Variants in UBE2F observed in about 807,000 individuals in gnomAD.
UBE2F encodes NEDD8-conjugating enzyme UBE2F.
A neutral mutation model predicts 29.6 loss-of-function variants in UBE2F; 5 were observed. The observed-to-expected ratio is 0.17, with a 90% CI of 0.09 to 0.36. The LOEUF (loss-of-function observed/expected upper bound fraction) is 0.36, where lower values mean the gene tolerates loss of function less well. UBE2F is among the 10% of genes least tolerant of loss of function. UBE2F has a pLI of 1.00. For missense variants in UBE2F, 141 were observed against 228.5 expected, an observed-to-expected ratio of 0.62 and a Z score of 2.47; for synonymous variants, 66 against 81.8, an observed-to-expected ratio of 0.81 and a Z score of 1.04.
chr2:237,991,986 T>TC (rs2063601035), intron 3 of UBE2F, among the ~76,000 whole-genome samples: 1 of 151,884 alleles, frequency 6.6e-6, no homozygotes, highest in South Asian at 2.1e-4. Context: ...TGCCTCAGCC[T>TC]CCCCCTCAGC....
intron 2 of UBE2F, among the ~76,000 whole-genome samples, chr2:237,975,362 G>A (rs771005304): frequency 2.0e-5 from 3 of 151,724 alleles, no homozygotes; most frequent in Admixed American, 6.6e-5. Flanking sequence ...CACGCACCTC[G>A]GCCTTCCCAA....
At chr2:237,969,064 G>T (rs1038174153) in intron 1 of UBE2F, among the ~76,000 whole-genome samples, 1 of 152,168 alleles carries the variant, frequency 6.6e-6, no homozygotes, top group East Asian at 1.9e-4. Flanking sequence ...TAGAAAAATA[G>T]ATGGTCACTA....
rs764282961 is a variant in UBE2F, at chr2:238,030,522, T to C, written c.354-34T>C. On this transcript the variant is annotated intron_variant, in intron 6 of 9. Coordinates refer to ENST00000272930, the MANE Select transcript of UBE2F (RefSeq NM_080678.3). ...CAGCGTGCAGGGCACCTGTGGCTGC[T>C]CCTCACTAACCACTGTGTGTTTGTC... 3.8e-6 allele frequency: 6 copies of C among 1,577,730 alleles called. No homozygotes were observed. The South Asian group carries it at 6.7e-5, about 18-fold the overall frequency.
At chr2:238,035,853 T>TC in intron 8 of UBE2F, 25 bp from the exon 9 acceptor site, 2 of 1,592,352 alleles carry the variant, frequency 1.3e-6, no homozygotes, top group Non-Finnish European at 1.7e-6. Context: ...TCCCAATGTT[T>TC]ACTTTAAGTT....
chr2:238,035,670 G>A (rs770512458), intron 8 of UBE2F: 1 of 528,736 alleles, frequency 1.9e-6, no homozygotes, highest in South Asian at 2.5e-5. Context: ...ACTTCTTTCA[G>A]TCAGTTGTCA....
intron 4 of UBE2F, among the ~76,000 whole-genome samples, chr2:238,015,568 G>A (rs955811131): frequency 4.0e-5 from 6 of 151,446 alleles, no homozygotes; most frequent in African/African-American, 1.5e-4. Flanking sequence ...ATGTTGATAC[G>A]GTCTCAACTC....
chr2:238,035,837 C>T (rs577448183), intron 8 of UBE2F, 41 bp from the exon 9 acceptor site: 4 of 1,526,082 alleles, frequency 2.6e-6, no homozygotes, highest in Non-Finnish European at 3.6e-6. Flanking sequence ...AGCAGAAAAG[C>T]AGTTCTCCCA....
chr2:238,020,755 T>C (rs557925651), intron 5 of UBE2F, among the ~76,000 whole-genome samples: 1 of 152,344 alleles, frequency 6.6e-6, no homozygotes, highest in South Asian at 2.1e-4. Context: ...TGCCTTGTAA[T>C]TTGTCAGTTT....
At chr2:237,968,675 C>T (rs2063110396) in intron 1 of UBE2F, 1 of 163,352 alleles carries the variant, frequency 6.1e-6, no homozygotes, top group African/African-American at 2.4e-5. Flanking sequence ...AAGTTGCACA[C>T]CAGATGCTCT....
chr2:238,018,350 A>G (rs927409915), intron 5 of UBE2F, among the ~76,000 whole-genome samples: 2 of 152,206 alleles, frequency 1.3e-5, no homozygotes, highest in African/African-American at 4.8e-5. Flanking sequence ...GTCTAAGCTG[A>G]TAAACTTTCC....
chr2:238,042,478 C>T lies in UBE2F; in HGVS notation c.*1140C>T, dbSNP rs992114529. On this transcript the variant is annotated 3_prime_UTR_variant, in exon 10 of 10. Transcript: ENST00000272930. The stretch of plus-strand genomic sequence containing the variant: ...AGTCAACAGTGGCATATGCCATCCT[C>T]GGCCAGGTTAATATACTGCAGAGGA... 8 of 152,256 alleles carry T rather than the reference C, an allele frequency of 5.3e-5. 1 individual carries two copies. The highest frequency in any genetic ancestry group is 1.4e-4 in the African/African-American group (6 of 41,466). 9.4% of individuals were successfully genotyped at this position (152,256 alleles called of 1,614,324 possible). A position where few individuals can be genotyped will look rare whatever the true frequency, so the allele number is the denominator to read the frequency against.
chr2:237,993,169 G>A (rs1187856821), intron 3 of UBE2F, among the ~76,000 whole-genome samples: 1 of 152,002 alleles, frequency 6.6e-6, no homozygotes. Context: ...TGTATTTTTA[G>A]TAGAGACGGG....
intron 2 of UBE2F, among the ~76,000 whole-genome samples, chr2:237,983,355 G>A (rs1414964521): frequency 6.6e-6 from 1 of 152,256 alleles, no homozygotes; most frequent in African/African-American, 2.4e-5. Context: ...CCCTGAGAGG[G>A]AGTGGCTGTG....
intron 2 of UBE2F, among the ~76,000 whole-genome samples, chr2:237,979,196 TC>T (rs1043733917): frequency 1.3e-5 from 2 of 152,214 alleles, no homozygotes; most frequent in African/African-American, 2.4e-5. Flanking sequence ...GTACCCCTTG[TC>T]CCAATCAGCC....
chr2:237,996,476 GTT>G (rs11293005), intron 4 of UBE2F, among the ~76,000 whole-genome samples: 1 of 138,418 alleles, frequency 7.2e-6, no homozygotes. Flanking sequence ...TCCCCTCCGC[GTT>G]TTTTTTTTTT....
At chr2:238,010,296 C>T (rs1430435446) in intron 4 of UBE2F, among the ~76,000 whole-genome samples, 1 of 152,066 alleles carries the variant, frequency 6.6e-6, no homozygotes, top group Admixed American at 6.5e-5. Context: ...GCCTCAGCCT[C>T]CCAAGTAGCT....
intron 4 of UBE2F, among the ~76,000 whole-genome samples, chr2:238,007,342 G>A (rs944554048): frequency 2.0e-5 from 3 of 151,558 alleles, no homozygotes; most frequent in African/African-American, 7.3e-5. Flanking sequence ...GGCTGGTCTC[G>A]AACTCCTGAC....
rs114409779 is a variant in UBE2F, at chr2:238,009,039, T to G, written c.215-7527T>G. On this transcript the variant is annotated intron_variant, in intron 4 of 9. Transcript: ENST00000272930. The stretch of plus-strand genomic sequence containing the variant: ...AGTTTGAATTCTTAAGTTGACAGTT[T>G]CAGCATTTTAAGGATATCATTCTAC... Among the ~76,000 whole-genome samples, 280 of 152,368 alleles carry G rather than the reference T, an allele frequency of 1.8e-3. 2 individuals carry two copies. Among genetic ancestry groups the G allele is most frequent in the African/African-American group, 6.3e-3 (264 of 41,600 alleles).
At chr2:237,976,295 G>A (rs1392670266) in intron 2 of UBE2F, among the ~76,000 whole-genome samples, 2 of 152,228 alleles carry the variant, frequency 1.3e-5, no homozygotes, top group Non-Finnish European at 2.9e-5. Context: ...AGCAAGGAGG[G>A]CCTGGATGTC....
Sources: gnomAD v4.1 joint callset for allele counts (sites outside exome capture counted in the v4.1 genomes callset) on GRCh38, gnomAD v4.1.1 for gene constraint, MANE v1.5 for transcripts, NCBI Gene and HGNC (gene_info 2026-07-23, HGNC 2026-07-21) for gene names.